Variants in NELL1 observed in about 807,000 individuals in gnomAD.
The protein encoded by NELL1 is neural EGFL like 1, also known as protein kinase C-binding protein NELL1.
NELL1 carries 76 observed loss-of-function variants against 107.4 expected under a neutral mutation model. That is an observed-to-expected ratio of 0.71 (90% confidence interval 0.59 to 0.86). The LOEUF (loss-of-function observed/expected upper bound fraction) is 0.86, where lower values mean the gene tolerates loss of function less well. NELL1 is among the 40% of genes least tolerant of loss of function. NELL1 has a pLI of 0.00. For missense variants in NELL1, 1,024 were observed against 1,005.5 expected, an observed-to-expected ratio of 1.02 and a Z score of -0.25; for synonymous variants, 353 against 341.2, an observed-to-expected ratio of 1.03 and a Z score of -0.38.
intron 14 of NELL1, among the ~76,000 whole-genome samples, chr11:21,302,268 C>G (rs768195060): frequency 6.6e-6 from 1 of 152,054 alleles, no homozygotes; most frequent in African/African-American, 2.4e-5. Context: ...GATGCCTTCA[C>G]TGTCATGGCT....
At chr11:21,092,926 A>G (rs1271158276) in intron 12 of NELL1, among the ~76,000 whole-genome samples, 1 of 152,078 alleles carries the variant, frequency 6.6e-6, no homozygotes, top group African/African-American at 2.4e-5. Flanking sequence ...ATCTAGGTGA[A>G]CAGACAATTC....
intron 12 of NELL1, among the ~76,000 whole-genome samples, chr11:21,017,686 T>C (rs565275902): frequency 6.6e-6 from 1 of 152,250 alleles, no homozygotes; most frequent in South Asian, 2.1e-4. Context: ...CATTCTATTC[T>C]ATACACCCTT....
At chr11:21,475,357 T>C (rs1160109971) in intron 15 of NELL1, among the ~76,000 whole-genome samples, 1 of 152,170 alleles carries the variant, frequency 6.6e-6, no homozygotes, top group African/African-American at 2.4e-5. Flanking sequence ...GGTTCTGTAG[T>C]ATATTGTAAT....
At chr11:20,880,339 T>C (rs1265999637) in intron 4 of NELL1, among the ~76,000 whole-genome samples, 1 of 152,248 alleles carries the variant, frequency 6.6e-6, no homozygotes, top group African/African-American at 2.4e-5. Flanking sequence ...TAGGTACCCA[T>C]GAGACTTACA....
chr11:20,861,317 C>T (rs547504558), intron 4 of NELL1, among the ~76,000 whole-genome samples: 13 of 152,082 alleles, frequency 8.5e-5, no homozygotes, highest in South Asian at 4.1e-4. Context: ...TTTCATTTAA[C>T]GGAATATCAG....
intron 13 of NELL1, among the ~76,000 whole-genome samples, chr11:21,158,787 A>G (rs1856300224): frequency 1.3e-5 from 2 of 152,082 alleles, no homozygotes; most frequent in African/African-American, 4.8e-5. Flanking sequence ...TATTAAATTC[A>G]TATTTGGTTA....
At chr11:21,285,711 G>A (rs185760961) in intron 14 of NELL1, among the ~76,000 whole-genome samples, 7 of 152,132 alleles carry the variant, frequency 4.6e-5, no homozygotes, top group African/African-American at 9.7e-5. Flanking sequence ...GAGAACTATC[G>A]ATTGTAAACT....
chr11:21,512,811 A>G (rs76441467), intron 15 of NELL1, among the ~76,000 whole-genome samples: 1 of 147,496 alleles, frequency 6.8e-6, no homozygotes, highest in East Asian at 2.0e-4. Flanking sequence ...ACATGACTAG[A>G]AAAAAAAAAA....
At chr11:21,097,935 G>GA (rs1251017466) in intron 12 of NELL1, among the ~76,000 whole-genome samples, 1 of 127,846 alleles carries the variant, frequency 7.8e-6, no homozygotes, top group Non-Finnish European at 1.7e-5. Context: ...TGTTTTTTAA[G>GA]AAAGAAAGAA....
chr11:21,430,262 C>T (rs761014310), intron 15 of NELL1, among the ~76,000 whole-genome samples: 2 of 152,010 alleles, frequency 1.3e-5, no homozygotes, highest in African/African-American at 2.4e-5. Flanking sequence ...TTTGTTTGCA[C>T]CCCTTTGGTT....
chr11:21,471,644 T>C (rs951582922), intron 15 of NELL1, among the ~76,000 whole-genome samples: 15 of 152,036 alleles, frequency 9.9e-5, no homozygotes, highest in African/African-American at 3.6e-4. Context: ...AGTGATGAAG[T>C]AGTGCCACTT....
intron 13 of NELL1, among the ~76,000 whole-genome samples, chr11:21,180,588 A>C (rs1233813234): frequency 6.6e-6 from 1 of 151,768 alleles, no homozygotes; most frequent in Admixed American, 6.6e-5. Flanking sequence ...GCTGGAAGCC[A>C]TTTAGGGTTC....
At position 21,051,561 on chromosome 11, in the gene NELL1, A is replaced by AAAT. The variant is rs201910454; in HGVS notation, c.1301-62013_1301-62011dup. ...TAATAAAACCTGAGAAAACTGAGAA[A>AAAT]AATAATAATAATAATAAAAGAAATC... On this transcript the variant is annotated intron_variant, in intron 12 of 19. Transcript: ENST00000357134. Among the ~76,000 whole-genome samples, 878 of 152,190 alleles carry AAAT rather than the reference A, an allele frequency of 5.8e-3. 9 individuals are homozygous for AAAT. The highest frequency in any genetic ancestry group is 0.04 in the South Asian group (193 of 4,820).
chr11:21,437,986 T>A (rs192130406), intron 15 of NELL1, among the ~76,000 whole-genome samples: 20 of 152,322 alleles, frequency 1.3e-4, no homozygotes, highest in African/African-American at 4.6e-4. Context: ...TATCTCTTAA[T>A]GTTTATTTTT....
At chr11:21,208,261 T>TA in intron 13 of NELL1, among the ~76,000 whole-genome samples, 1 of 152,096 alleles carries the variant, frequency 6.6e-6, no homozygotes, top group South Asian at 2.1e-4. Flanking sequence ...TAATAAAAGA[T>TA]ACGTATTATA....
intron 14 of NELL1, among the ~76,000 whole-genome samples, chr11:21,250,046 A>C (rs886225513): frequency 6.6e-6 from 1 of 152,194 alleles, no homozygotes; most frequent in Non-Finnish European, 1.5e-5. Context: ...TGGAGCTTTC[A>C]TGTTTACTGT....
chr11:21,500,398 A>G (rs1855105579), intron 15 of NELL1, among the ~76,000 whole-genome samples: 1 of 152,106 alleles, frequency 6.6e-6, no homozygotes, highest in Non-Finnish European at 1.5e-5. Flanking sequence ...TAAGTACTAA[A>G]TCAGTTTATG....
chr11:21,052,700 G>A (rs1183745371), intron 12 of NELL1, among the ~76,000 whole-genome samples: 1 of 152,094 alleles, frequency 6.6e-6, no homozygotes. Context: ...TCACTGATGA[G>A]GTTGCTGAGG....
At chr11:21,572,122 CTG>C (rs1328317358) in intron 18 of NELL1, among the ~76,000 whole-genome samples, 4 of 151,740 alleles carry the variant, frequency 2.6e-5, no homozygotes, top group Admixed American at 2.6e-4. Context: ...GTCAATACAA[CTG>C]TAGAATTAGT....
Sources: gnomAD v4.1 joint callset for allele counts (sites outside exome capture counted in the v4.1 genomes callset) on GRCh38, gnomAD v4.1.1 for gene constraint, MANE v1.5 for transcripts, NCBI Gene and HGNC (gene_info 2026-07-23, HGNC 2026-07-21) for gene names.